Variants in ENAH observed in about 807,000 individuals in gnomAD.
ENAH encodes the protein ENAH actin regulator, also known as protein enabled homolog.
In ENAH, 23 loss-of-function variants were observed where a neutral mutation model predicts 78.7. That is an observed-to-expected ratio of 0.29 (90% CI 0.21 to 0.41). The LOEUF is 0.41. Ranked by LOEUF, ENAH falls within the 10% of genes least tolerant of loss-of-function variation. The pLI, the probability that ENAH is intolerant of heterozygous loss-of-function variation, is 1.00. For missense variants in ENAH, 544 were observed against 691.0 expected, an observed-to-expected ratio of 0.79 and a Z score of 2.39; for synonymous variants, 226 against 241.0, an observed-to-expected ratio of 0.94 and a Z score of 0.58.
At chr1:225,576,658 C>CATATG (rs3991021) in intron 1 of ENAH, among the ~76,000 whole-genome samples, 6,544 of 152,218 alleles carry the variant, frequency 0.043, 228 homozygotes, top group South Asian at 0.11. Flanking sequence ...AGAATTAACA[C>CATATG]ATATAACAGA....
chr1:225,612,003 A>G (rs923707138), intron 1 of ENAH, among the ~76,000 whole-genome samples: 2 of 152,248 alleles, frequency 1.3e-5, no homozygotes, highest in Non-Finnish European at 1.5e-5. Context: ...CACACAGCCA[A>G]CGGGGAAACC....
chr1:225,652,660 C>T (rs1248787008), intron 1 of ENAH, 26 bp downstream of exon 1: 3 of 1,268,340 alleles, frequency 2.4e-6, no homozygotes, highest in Non-Finnish European at 3.0e-6. Flanking sequence ...ATGGCCCGCC[C>T]GGCCCCCGCC....
At chr1:225,510,699 TAA>T (rs770906084) in intron 10 of ENAH, among the ~76,000 whole-genome samples, 5,819 of 105,910 alleles carry the variant, frequency 0.055, 155 homozygotes, top group South Asian at 0.12. Context: ...CAGAGGTACT[TAA>T]AAAAAAAAAA....
intron 1 of ENAH, among the ~76,000 whole-genome samples, chr1:225,575,975 C>T (rs2096785751): frequency 6.6e-6 from 1 of 152,132 alleles, no homozygotes; most frequent in South Asian, 2.1e-4. Context: ...CCTCCCCTTC[C>T]CATCCACAAA....
intron 4 of ENAH, among the ~76,000 whole-genome samples, chr1:225,526,788 A>G (rs941438471): frequency 2.6e-5 from 4 of 152,168 alleles, no homozygotes; most frequent in African/African-American, 7.2e-5. Flanking sequence ...CTATTGCAGT[A>G]TATTTTTAGG....
chr1:225,555,084 C>A lies in ENAH; in HGVS notation c.172-1G>T. The A allele has an allele frequency of 1.3e-6, 2 of 1,513,418 alleles. No homozygotes were observed. Among genetic ancestry groups the A allele is most frequent in the Non-Finnish European group, 1.8e-6 (2 of 1,113,874 alleles). 93.7% of individuals were successfully genotyped at this position (1,513,418 alleles called of 1,614,324 possible). A position where few individuals can be genotyped will look rare whatever the true frequency, so the allele number is the denominator to read the frequency against. ...TAGGAATGGCACAGTTTATCACGAC[C>A]TAAAAAATAATAATTCTTTATAAAG... On this transcript the variant is annotated splice_acceptor_variant, in intron 2 of 13. Coordinates refer to ENST00000366843, the MANE Select transcript of ENAH (RefSeq NM_018212.6). LOFTEE classifies it high-confidence loss of function.
chr1:225,549,420 A>G (rs1331630780), intron 3 of ENAH, among the ~76,000 whole-genome samples: 3 of 152,120 alleles, frequency 2.0e-5, no homozygotes, highest in Non-Finnish European at 4.4e-5. Context: ...CCAAACTGAC[A>G]CACCTGGTCA....
At chr1:225,566,943 A>C (rs1056395763) in intron 2 of ENAH, among the ~76,000 whole-genome samples, 12 of 152,234 alleles carry the variant, frequency 7.9e-5, no homozygotes, top group African/African-American at 2.7e-4. Context: ...CTGCCACTTA[A>C]GTAGAGTTTT....
intron 7 of ENAH, among the ~76,000 whole-genome samples, chr1:225,514,167 T>C (rs938879105): frequency 6.0e-5 from 9 of 151,176 alleles, no homozygotes; most frequent in Non-Finnish European, 1.0e-4. Context: ...TTTTTAATTT[T>C]TATTTATTTT....
At chr1:225,562,378 C>G (rs1403385572) in intron 2 of ENAH, among the ~76,000 whole-genome samples, 4 of 151,722 alleles carry the variant, frequency 2.6e-5, no homozygotes, top group Admixed American at 2.6e-4. Flanking sequence ...CGAGACCATC[C>G]TGGCTAACAT....
chr1:225,615,769 G>A (rs2097026630), intron 1 of ENAH, among the ~76,000 whole-genome samples: 1 of 151,446 alleles, frequency 6.6e-6, no homozygotes, highest in African/African-American at 2.4e-5. Flanking sequence ...TCTCTGCCCG[G>A]CCGCCCCGTC....
Position 225,599,787 on chromosome 1 carries a change from A to G in ENAH, c.6-32373T>C, listed in dbSNP as rs898599312. Among the ~76,000 whole-genome samples the G allele has an allele frequency of 4.7e-5, 6 of 126,656 alleles. No homozygotes were observed. In the East Asian group the frequency reaches 6.7e-4, roughly 14 times the overall value. 83.1% of individuals were successfully genotyped at this position (126,656 alleles called of 152,430 possible). On this transcript the variant is annotated intron_variant, in intron 1 of 13. Coordinates refer to ENST00000366843, the MANE Select transcript of ENAH (RefSeq NM_018212.6). The stretch of plus-strand genomic sequence containing the variant: ...CTCCAGCCTGGGCGACAGGGCCGAG[A>G]CTCCGTCTTAAAAAAAAAAAAAAAA...
intron 3 of ENAH, among the ~76,000 whole-genome samples, chr1:225,551,495 G>A (rs879317430): frequency 5.3e-5 from 8 of 152,100 alleles, no homozygotes; most frequent in Admixed American, 3.9e-4. Context: ...AGCACAAAAC[G>A]TGAGCTAGTA....
At chr1:225,586,962 G>A (rs2096850689) in intron 1 of ENAH, among the ~76,000 whole-genome samples, 1 of 151,840 alleles carries the variant, frequency 6.6e-6, no homozygotes. Flanking sequence ...GGTGGGGTTG[G>A]CTGGGGGACA....
chr1:225,628,504 T>G (rs1254877228), intron 1 of ENAH, among the ~76,000 whole-genome samples: 1 of 152,124 alleles, frequency 6.6e-6, no homozygotes, highest in Non-Finnish European at 1.5e-5. Context: ...TTCTAAGTTT[T>G]TAAAAAACAT....
chr1:225,510,023 G>C (rs2096364147), intron 10 of ENAH, among the ~76,000 whole-genome samples: 3 of 152,168 alleles, frequency 2.0e-5, no homozygotes, highest in Non-Finnish European at 4.4e-5. Flanking sequence ...TATTCAACAA[G>C]TGGTTGTAAA....
intron 2 of ENAH, among the ~76,000 whole-genome samples, chr1:225,565,391 C>A (rs189551920): frequency 1.3e-5 from 2 of 151,874 alleles, no homozygotes; most frequent in African/African-American, 4.8e-5. Flanking sequence ...GCCACAATCA[C>A]GCCATTGCAC....
intron 1 of ENAH, among the ~76,000 whole-genome samples, chr1:225,576,707 A>C (rs547414411): frequency 6.6e-6 from 1 of 152,370 alleles, no homozygotes; most frequent in East Asian, 1.9e-4. Context: ...CCATAGGAGC[A>C]AGCACACAGA....
intron 1 of ENAH, among the ~76,000 whole-genome samples, chr1:225,614,987 C>T (rs537538912): frequency 2.0e-5 from 3 of 152,164 alleles, no homozygotes; most frequent in Admixed American, 1.3e-4. Context: ...CCCTCTCCCT[C>T]TCCCCGGTCT....
Sources: gnomAD v4.1 joint callset for allele counts (sites outside exome capture counted in the v4.1 genomes callset) on GRCh38, gnomAD v4.1.1 for gene constraint, MANE v1.5 for transcripts, NCBI Gene and HGNC (gene_info 2026-07-23, HGNC 2026-07-21) for gene names.